Variants in LINGO2 observed in about 807,000 individuals in gnomAD.
LINGO2 encodes leucine-rich repeat and immunoglobulin-like domain-containing nogo receptor-interacting protein 2.
LINGO2 carries 14 observed loss-of-function variants against 30.6 expected under a neutral mutation model. The observed-to-expected ratio is 0.46, with a 90% confidence interval of 0.30 to 0.72. The LOEUF (loss-of-function observed/expected upper bound fraction) is 0.72. Among genes scored for constraint, LINGO2 ranks in the 30% least tolerant of loss-of-function variants. The probability of loss-of-function intolerance (pLI) is 0.07; values close to 1 mark genes in which losing one functional copy is unlikely to be tolerated. For synonymous variants in LINGO2, 317 were observed against 288.5 expected, an observed-to-expected ratio of 1.10 and a Z score of -1.00; for missense variants, 729 against 751.7, an observed-to-expected ratio of 0.97 and a Z score of 0.35.
chr9:28,991,331 A>G, the LINGO2 span, among the ~76,000 whole-genome samples: 1 of 151,344 alleles, frequency 6.6e-6, no homozygotes, highest in Non-Finnish European at 1.5e-5. Flanking sequence ...AATAAAAAGA[A>G]ACGAACAAAG....
intron 5 of LINGO2, among the ~76,000 whole-genome samples, chr9:27,984,483 T>C (rs1821031387): frequency 1.3e-5 from 2 of 151,812 alleles, no homozygotes; most frequent in South Asian, 4.1e-4. Flanking sequence ...CCTTCAAAGC[T>C]CTGAGTTAGA....
At chr9:28,621,561 T>C (rs1826395409) in intron 1 of LINGO2, among the ~76,000 whole-genome samples, 1 of 151,992 alleles carries the variant, frequency 6.6e-6, no homozygotes, top group East Asian at 1.9e-4. Context: ...AATATACTCA[T>C]ATATATGGAT....
chr9:28,007,051 G>A (rs1822302477), intron 5 of LINGO2, among the ~76,000 whole-genome samples: 1 of 152,102 alleles, frequency 6.6e-6, no homozygotes, highest in African/African-American at 2.4e-5. Flanking sequence ...TGTTTCACTA[G>A]TCTGTTAGTT....
At chr9:28,461,586 G>A in intron 2 of LINGO2, among the ~76,000 whole-genome samples, 1 of 152,140 alleles carries the variant, frequency 6.6e-6, no homozygotes, top group South Asian at 2.1e-4. Context: ...ATTGAGAATT[G>A]ATGTCCTGAA....
At chr9:28,463,966 T>C (rs1371264351) in intron 2 of LINGO2, among the ~76,000 whole-genome samples, 1 of 152,154 alleles carries the variant, frequency 6.6e-6, no homozygotes, top group Non-Finnish European at 1.5e-5. Context: ...CTTCACATTA[T>C]GCCTGTATAA....
chr9:28,462,501 TCCACAATTGAAGA>T (rs1243000786), intron 2 of LINGO2, among the ~76,000 whole-genome samples: 1 of 151,438 alleles, frequency 6.6e-6, no homozygotes, highest in African/African-American at 2.4e-5. Flanking sequence ...GCACACTTGG[TCCACAATTGAAGA>T]CCACAAATAG....
At chr9:28,029,880 G>T (rs1416707472) in intron 4 of LINGO2, among the ~76,000 whole-genome samples, 1 of 152,118 alleles carries the variant, frequency 6.6e-6, no homozygotes, top group African/African-American at 2.4e-5. Context: ...TTGGATCAAG[G>T]TTATAGGTCA....
chr9:27,983,614 G>T (rs1587611992), intron 5 of LINGO2, among the ~76,000 whole-genome samples: 1 of 151,794 alleles, frequency 6.6e-6, no homozygotes. Flanking sequence ...GAAAAGCCTT[G>T]ATTTCCATAT....
At chr9:28,124,304 C>G (rs1827180300) in intron 4 of LINGO2, among the ~76,000 whole-genome samples, 1 of 152,196 alleles carries the variant, frequency 6.6e-6, no homozygotes, top group Non-Finnish European at 1.5e-5. Flanking sequence ...AAATCATGCA[C>G]TTAAGTTTAG....
At chr9:28,526,155 A>G (rs1435344361) in intron 1 of LINGO2, among the ~76,000 whole-genome samples, 1 of 152,068 alleles carries the variant, frequency 6.6e-6, no homozygotes, top group Non-Finnish European at 1.5e-5. Context: ...TAACAAAATC[A>G]ATAATACAAA....
intron 5 of LINGO2, among the ~76,000 whole-genome samples, chr9:27,988,881 CTTGA>C (rs1396706704): frequency 6.6e-5 from 10 of 151,484 alleles, no homozygotes; most frequent in African/African-American, 2.4e-4. Context: ...TAATCAGCAA[CTTGA>C]TTGATCACTT....
At chr9:28,363,010 T>C (rs1039529226) in intron 3 of LINGO2, among the ~76,000 whole-genome samples, 7 of 152,304 alleles carry the variant, frequency 4.6e-5, no homozygotes, top group Admixed American at 4.6e-4. Flanking sequence ...TCTCTTCCCC[T>C]TCTCCAGCAT....
the LINGO2 span, among the ~76,000 whole-genome samples, chr9:28,727,952 A>G: frequency 1.3e-5 from 2 of 152,294 alleles, no homozygotes; most frequent in South Asian, 2.1e-4. Context: ...ATTATGCTCA[A>G]TAGGGTACCA....
At chr9:28,767,551 C>A in the LINGO2 span, among the ~76,000 whole-genome samples, 2 of 151,774 alleles carry the variant, frequency 1.3e-5, no homozygotes, top group East Asian at 3.9e-4. Context: ...TTTGGGAGGC[C>A]GAGGCAGGCA....
At chr9:28,558,180 A>C (rs1587859259) in intron 1 of LINGO2, among the ~76,000 whole-genome samples, 1 of 151,680 alleles carries the variant, frequency 6.6e-6, no homozygotes, top group African/African-American at 2.4e-5. Context: ...AAAAAAAAAA[A>C]ACAATGGGTC....
chr9:28,479,909 AG>A (rs1564228259), intron 1 of LINGO2, among the ~76,000 whole-genome samples: 14 of 55,934 alleles, frequency 2.5e-4, no homozygotes, highest in Non-Finnish European at 3.3e-4. Flanking sequence ...ATATATACGT[AG>A]GTATATATAT....
At chr9:28,048,720 T>TA (rs1824534930) in intron 4 of LINGO2, among the ~76,000 whole-genome samples, 1 of 150,736 alleles carries the variant, frequency 6.6e-6, no homozygotes, top group East Asian at 2.0e-4. Context: ...TGTCCAAGAT[T>TA]AAAGGAAAAG....
chr9:28,553,644 A>G (rs1174641676), intron 1 of LINGO2, among the ~76,000 whole-genome samples: 1 of 152,120 alleles, frequency 6.6e-6, no homozygotes, highest in East Asian at 1.9e-4. Flanking sequence ...GGAAATACAG[A>G]GAACGCCACA....
chr9:28,021,455 G>A (rs1823118725), intron 4 of LINGO2, among the ~76,000 whole-genome samples: 1 of 152,120 alleles, frequency 6.6e-6, no homozygotes, highest in African/African-American at 2.4e-5. Context: ...TCAGAAGAAT[G>A]TATATTTTCC....
Sources: allele counts gnomAD v4.1 joint callset (sites outside exome capture counted in the v4.1 genomes callset), GRCh38; gene constraint gnomAD v4.1.1; transcripts MANE v1.5; gene names NCBI Gene and HGNC (gene_info 2026-07-23, HGNC 2026-07-21).